Variants in PHKA1 observed in about 807,000 individuals in gnomAD.
PHKA1 encodes phosphorylase kinase regulatory subunit alpha 1.
Under a neutral mutation model 110.2 loss-of-function variants are expected in PHKA1, and 60 were observed. That is an observed-to-expected ratio of 0.54 (90% CI 0.44 to 0.68). The LOEUF (loss-of-function observed/expected upper bound fraction) is 0.68. PHKA1 is among the 30% of genes least tolerant of loss of function. PHKA1 has a pLI of 0.00. For synonymous variants in PHKA1, 316 were observed against 333.6 expected (o/e 0.95, Z 0.58); for missense variants, 801 against 942.5 (o/e 0.85, Z 1.97).
Position 72,669,048 on chromosome X carries a change from C to T in PHKA1, c.619-1575G>A, listed in dbSNP as rs782414353. ...AAGAATAATCCCTTTTGACTCTGCG[C>T]GCAGGTTGGGATTGGGTCTCTAAGG... On this transcript the variant is annotated intron_variant, in intron 6 of 31. Transcript: ENST00000373542. 7.1e-5 allele frequency among the ~76,000 whole-genome samples: 8 copies of T among 112,591 alleles called. No individual in the cohort carries two copies. In the East Asian group the frequency reaches 1.7e-3, roughly 24 times the overall value.
rs2052312956 is a variant in PHKA1 at position 72,579,862 on chromosome X, T to G, written c.*1140A>C. 1 of 111,102 alleles carries G rather than the reference T, an allele frequency of 9.0e-6. No homozygotes were observed. The highest frequency in any genetic ancestry group is 9.6e-5 in the Admixed American group (1 of 10,421). 9.2% of individuals were successfully genotyped at this position (111,102 alleles called of 1,213,427 possible). ...ACTAGAATTAGGAAGTGAAAATATA[T>G]ATGAAAGAGTTTAAGAATAGATGGG... is the stretch of plus-strand genomic sequence containing the variant. On this transcript the variant is annotated 3_prime_UTR_variant, in exon 32 of 32. Transcript: ENST00000373542.
At chrX:72,691,401 T>C (rs1569451267) in intron 4 of PHKA1, among the ~76,000 whole-genome samples, 1 of 112,309 alleles carries the variant, frequency 8.9e-6, no homozygotes, top group Admixed American at 9.4e-5. Context: ...CCTTTAAATT[T>C]CCATATAAAT....
chrX:72,713,351 A>T (rs1164354453), intron 1 of PHKA1, among the ~76,000 whole-genome samples: 1 of 111,118 alleles, frequency 9.0e-6, no homozygotes, highest in Admixed American at 9.6e-5. Flanking sequence ...TGTACATCAG[A>T]TCCCCAGAAC....
rs370590996 is a variant in PHKA1 at position 72,593,158 on chromosome X, T to C, written c.3189A>G (p.Ala1063=). 2.2e-5 allele frequency: 26 copies of C among 1,198,875 alleles called. No individual in the cohort carries two copies. Among genetic ancestry groups the C allele is most frequent in the Non-Finnish European group, 2.9e-5 (26 of 884,892 alleles). The part of the protein sequence containing the change: ...QWQRRRRLDG[A]LNRVPVGFYQ... ...AAAATCCAACTGGAACTCTATTCAG[T>C]GCCCCATCCAGCCTTCTTCGGCGTT... The change falls in exon 29 of 32, where the codon GCA becomes GCG. Residue 1063 remains alanine, a synonymous_variant. Coordinates refer to ENST00000373542, the MANE Select transcript of PHKA1 (RefSeq NM_002637.4).
At chrX:72,642,527 G>A (rs1409599201) in intron 14 of PHKA1, among the ~76,000 whole-genome samples, 2 of 111,226 alleles carry the variant, frequency 1.8e-5, no homozygotes, top group Non-Finnish European at 3.8e-5. Context: ...TATCTCAAGG[G>A]ATTTAGTGCT....
At chrX:72,641,488 G>A (rs1410696653) in intron 14 of PHKA1, among the ~76,000 whole-genome samples, 1 of 111,522 alleles carries the variant, frequency 9.0e-6, no homozygotes, top group Non-Finnish European at 1.9e-5. Flanking sequence ...GCATGTTAAA[G>A]ATAACTATTA....
At chrX:72,689,759 A>T (rs191327717) in intron 4 of PHKA1, among the ~76,000 whole-genome samples, 5 of 111,516 alleles carry the variant, frequency 4.5e-5, no homozygotes, top group Admixed American at 3.8e-4. Flanking sequence ...ATCATATGGT[A>T]TCTCTTTTTT....
intron 6 of PHKA1, among the ~76,000 whole-genome samples, chrX:72,669,974 T>G (rs1446565175): frequency 9.0e-6 from 1 of 111,093 alleles, no homozygotes; most frequent in Non-Finnish European, 1.9e-5. Flanking sequence ...CCACAATGGT[T>G]GAACTAGTTT....
At chrX:72,649,439 G>A (rs1173747389) in intron 13 of PHKA1, among the ~76,000 whole-genome samples, 1 of 111,755 alleles carries the variant, frequency 8.9e-6, no homozygotes, top group Non-Finnish European at 1.9e-5. Context: ...AGACAAAAGA[G>A]GTCAGTTTTG....
intron 14 of PHKA1, among the ~76,000 whole-genome samples, chrX:72,643,526 TG>T (rs1196546316): frequency 8.9e-6 from 1 of 112,151 alleles, no homozygotes; most frequent in Non-Finnish European, 1.9e-5. Flanking sequence ...TGATTCCTTC[TG>T]GAGGCTCCAG....
intron 14 of PHKA1, among the ~76,000 whole-genome samples, chrX:72,639,292 GGGAA>G (rs1316594067): frequency 9.0e-6 from 1 of 111,699 alleles, no homozygotes; most frequent in Non-Finnish European, 1.9e-5. Flanking sequence ...CCAGCACTTT[GGGAA>G]GGAGGCCAAG....
At chrX:72,675,290 T>C (rs2147792848) in intron 6 of PHKA1, among the ~76,000 whole-genome samples, 1 of 110,744 alleles carries the variant, frequency 9.0e-6, no homozygotes, top group African/African-American at 3.3e-5. Context: ...CCCTTTGTCC[T>C]CTCTGTTCCA....
chrX:72,696,756 C>T (rs2054123524), intron 3 of PHKA1, among the ~76,000 whole-genome samples: 1 of 111,753 alleles, frequency 8.9e-6, no homozygotes, highest in South Asian at 3.8e-4. Flanking sequence ...GCAAAATAAA[C>T]TTGCTAAATT....
At chrX:72,692,770 A>G (rs1251337755) in intron 4 of PHKA1, among the ~76,000 whole-genome samples, 1 of 110,919 alleles carries the variant, frequency 9.0e-6, no homozygotes, top group Non-Finnish European at 1.9e-5. Flanking sequence ...TGATCTTTTT[A>G]AAGAATGAAC....
intron 5 of PHKA1, among the ~76,000 whole-genome samples, chrX:72,681,393 TGG>T (rs1293049179): frequency 1.2e-4 from 10 of 82,019 alleles, no homozygotes; most frequent in African/African-American, 1.8e-4. Flanking sequence ...GGGAGGGAGG[TGG>T]GGGGGGGTCA....
At chrX:72,660,814 A>G (rs1336974578) in intron 8 of PHKA1, 34 of 219,441 alleles carry the variant, frequency 1.5e-4, no homozygotes, top group Non-Finnish European at 6.0e-5. Context: ...TGACAGAAGA[A>G]AACTATTGTA....
chrX:72,595,887 G>C (rs782731349), intron 28 of PHKA1, among the ~76,000 whole-genome samples: 2 of 111,627 alleles, frequency 1.8e-5, no homozygotes, highest in Non-Finnish European at 3.8e-5. Flanking sequence ...ACATTATGGA[G>C]GTTCCTCAAA....
chrX:72,682,254 C>A (rs1209249095), intron 5 of PHKA1, among the ~76,000 whole-genome samples: 1 of 87,149 alleles, frequency 1.1e-5, no homozygotes, highest in Non-Finnish European at 2.3e-5. Flanking sequence ...GTCAGCCCCC[C>A]GCCCGGCCAG....
At chrX:72,711,410 C>T (rs782645386) in intron 2 of PHKA1, among the ~76,000 whole-genome samples, 1 of 110,726 alleles carries the variant, frequency 9.0e-6, no homozygotes, top group East Asian at 2.8e-4. Flanking sequence ...TTTTTAAACA[C>T]TCTTCTATAT....
Sources: gnomAD v4.1 joint callset for allele counts (sites outside exome capture counted in the v4.1 genomes callset) on GRCh38, gnomAD v4.1.1 for gene constraint, MANE v1.5 for transcripts, NCBI Gene and HGNC (gene_info 2026-07-23, HGNC 2026-07-21) for gene names.